The following LAMA2 variants were observed in gnomAD, a reference collection of about 807,000 sequenced individuals.
LAMA2 encodes laminin subunit alpha 2, also known as laminin subunit alpha-2.
In LAMA2, 269 loss-of-function variants were observed where a neutral mutation model predicts 364.8. The observed-to-expected ratio is 0.74, with a 90% CI of 0.67 to 0.82. LAMA2 has a LOEUF of 0.82. Ranked by LOEUF, LAMA2 falls within the 40% of genes least tolerant of loss-of-function variation. The pLI is 0.00. For missense variants in LAMA2, 3,807 were observed against 3,873.2 expected, an observed-to-expected ratio of 0.98 and a Z score of 0.45; for synonymous variants, 1,379 against 1,370.6, an observed-to-expected ratio of 1.01 and a Z score of -0.14.
At chr6:129,460,429 T>C in intron 49 of LAMA2, 105 bp downstream of exon 49, 13 of 1,195,136 alleles carry the variant, frequency 1.1e-5, no homozygotes, top group Non-Finnish European at 1.6e-5. Flanking sequence ...GGAGCAGGTT[T>C]GAAAGGATTA....
At chr6:129,174,894 G>A (rs1022763851) in intron 9 of LAMA2, among the ~76,000 whole-genome samples, 8 of 152,008 alleles carry the variant, frequency 5.3e-5, no homozygotes, top group South Asian at 2.1e-4. Context: ...ATCTTCAACT[G>A]TTCTGAACAG....
chr6:129,052,364 G>C (rs1182884983), intron 2 of LAMA2, among the ~76,000 whole-genome samples: 1 of 149,934 alleles, frequency 6.7e-6, no homozygotes, highest in Non-Finnish European at 1.5e-5. Flanking sequence ...TAGCTAGCAC[G>C]GTCTCAATCT....
At chr6:129,107,919 C>T (rs762264559) in intron 4 of LAMA2, among the ~76,000 whole-genome samples, 6 of 152,166 alleles carry the variant, frequency 3.9e-5, no homozygotes, top group Admixed American at 3.3e-4. Context: ...GGAGTCCCCC[C>T]TCCTAGCAGT....
intron 1 of LAMA2, among the ~76,000 whole-genome samples, chr6:129,011,671 A>G (rs116478270): frequency 2.0e-3 from 303 of 152,316 alleles, no homozygotes; most frequent in African/African-American, 7.0e-3. Flanking sequence ...TTACTCTTAA[A>G]ATATCCCATT....
intron 12 of LAMA2, among the ~76,000 whole-genome samples, chr6:129,204,924 A>G (rs1782524343): frequency 6.6e-6 from 1 of 152,202 alleles, no homozygotes; most frequent in South Asian, 2.1e-4. Flanking sequence ...AATGTATGAA[A>G]CGGTACTCAA....
At chr6:129,511,689 A>C (rs1786591136) in intron 62 of LAMA2, among the ~76,000 whole-genome samples, 1 of 152,028 alleles carries the variant, frequency 6.6e-6, no homozygotes, top group Non-Finnish European at 1.5e-5. Flanking sequence ...CTTTGTTCCT[A>C]AGTGATGTAT....
In LAMA2 at chr6:129,233,157, C is replaced by T. The variant is rs114800290; in HGVS notation, c.1783-16955C>T. ...TAAAGGAGACCCATATTGGAATATT[C>T]GCCTACAGAACTGTATTCCAACAAG... On this transcript the variant is annotated intron_variant, in intron 12 of 64. Coordinates refer to ENST00000421865, the MANE Select transcript of LAMA2 (RefSeq NM_000426.4). Among the ~76,000 whole-genome samples the T allele has an allele frequency of 3.9e-3, 597 of 152,240 alleles. 3 individuals carry two copies. The highest frequency in any genetic ancestry group is 0.013 in the African/African-American group (559 of 41,546).
chr6:129,314,750 C>T lies in LAMA2; in HGVS notation c.3507C>T (p.Phe1169=), dbSNP rs780411962. 23 of 1,613,954 alleles carry T rather than the reference C, an allele frequency of 1.4e-5. No individual in the cohort carries two copies. The highest frequency in any genetic ancestry group is 1.9e-5 in the Non-Finnish European group (23 of 1,180,002). Residue 1169 remains phenylalanine, a synonymous_variant, in exon 24 of 65, where the codon TTC becomes TTT. Coordinates refer to ENST00000421865, the MANE Select transcript of LAMA2 (RefSeq NM_000426.4). ...NPLGCSSCYC[F]GTTTQCSEAK... ...TTGGCTGCAGCAGCTGCTATTGCTT[C>T]GGCACTACTACCCAGTGCTCTGAAG... is the stretch of plus-strand genomic sequence containing the variant.
intron 12 of LAMA2, among the ~76,000 whole-genome samples, chr6:129,203,545 A>G (rs922779767): frequency 1.3e-5 from 2 of 152,226 alleles, no homozygotes; most frequent in African/African-American, 2.4e-5. Context: ...AGCCATCTAC[A>G]AGCTAAGGAG....
chr6:129,323,443 G>A (rs1775085268), intron 28 of LAMA2, among the ~76,000 whole-genome samples: 2 of 152,090 alleles, frequency 1.3e-5, no homozygotes, highest in Admixed American at 1.3e-4. Flanking sequence ...GCCTTTGCTT[G>A]TTACCTGCAC....
chr6:128,992,340 T>C (rs1783662142), intron 1 of LAMA2, among the ~76,000 whole-genome samples: 1 of 152,208 alleles, frequency 6.6e-6, no homozygotes, highest in African/African-American at 2.4e-5. Flanking sequence ...AGTAGTTAAA[T>C]GGCTAATCCT....
intron 28 of LAMA2, among the ~76,000 whole-genome samples, chr6:129,321,406 C>T (rs1340481598): frequency 1.3e-5 from 2 of 152,174 alleles, no homozygotes; most frequent in Admixed American, 6.5e-5. Flanking sequence ...AGCAGGTAAA[C>T]ACCAAGTCCC....
At chr6:129,193,024 T>C (rs557956732) in intron 12 of LAMA2, among the ~76,000 whole-genome samples, 171 bp downstream of exon 12, 1 of 152,320 alleles carries the variant, frequency 6.6e-6, no homozygotes, top group African/African-American at 2.4e-5. Context: ...GCACAAGACC[T>C]TAAAGAGCCA....
chr6:129,166,593 G>A lies in LAMA2; in HGVS notation c.1306+918G>A, dbSNP rs370158412. On this transcript the variant is annotated intron_variant, in intron 9 of 64. Transcript: ENST00000421865. Reference sequence around the variant, plus strand: ...TGATGAATTACTGAGCTCACTTTTCGTTTTAAGCCTTTTCTCTTTGTGTTT... The same window carrying A: ...TGATGAATTACTGAGCTCACTTTTCATTTTAAGCCTTTTCTCTTTGTGTTT... Among the ~76,000 whole-genome samples, 9 of 152,156 alleles carry A rather than the reference G, an allele frequency of 5.9e-5. No homozygotes were observed. In the East Asian group the frequency reaches 9.7e-4, roughly 16 times the overall value.
chr6:129,321,262 G>A (rs1435767154), intron 28 of LAMA2, among the ~76,000 whole-genome samples: 1 of 152,070 alleles, frequency 6.6e-6, no homozygotes, highest in African/African-American at 2.4e-5. Context: ...CTATAATTGT[G>A]AAATATTAAT....
chr6:129,059,951 C>A, intron 3 of LAMA2, 55 bp downstream of exon 3: 1 of 972,690 alleles, frequency 1.0e-6, no homozygotes, highest in Non-Finnish European at 1.7e-6. Flanking sequence ...TTTACATTTG[C>A]TATTTGTTTA....
intron 1 of LAMA2, among the ~76,000 whole-genome samples, chr6:128,907,130 G>T (rs1473011964): frequency 4.2e-5 from 6 of 143,082 alleles, no homozygotes; most frequent in African/African-American, 1.6e-4. Context: ...CTCTTTTTTG[G>T]TTCCATATGA....
At chr6:129,448,618 C>T (rs1782511197) in intron 45 of LAMA2, among the ~76,000 whole-genome samples, 1 of 152,106 alleles carries the variant, frequency 6.6e-6, no homozygotes, top group African/African-American at 2.4e-5. Flanking sequence ...GGCTGATACT[C>T]CTTTAAATGA....
At chr6:129,298,468 ACC>A (rs1438126885) in intron 21 of LAMA2, among the ~76,000 whole-genome samples, 1 of 152,306 alleles carries the variant, frequency 6.6e-6, no homozygotes, top group African/African-American at 2.4e-5. Flanking sequence ...CACAGCCTTC[ACC>A]CAAATCATGA....
Sources: gnomAD v4.1 joint callset for allele counts (sites outside exome capture counted in the v4.1 genomes callset) on GRCh38, gnomAD v4.1.1 for gene constraint, MANE v1.5 for transcripts, NCBI Gene and HGNC (gene_info 2026-07-23, HGNC 2026-07-21) for gene names.